The following SRGAP2 variants were observed in gnomAD, a reference collection of about 807,000 sequenced individuals.
SRGAP2 encodes SLIT-ROBO Rho GTPase activating protein 2.
A neutral mutation model predicts 57.2 loss-of-function variants in SRGAP2; 15 were observed. The ratio of observed to expected loss-of-function variants is 0.26; its 90% CI spans 0.18 to 0.40. The LOEUF (loss-of-function observed/expected upper bound fraction) is 0.40, where lower values mean the gene tolerates loss of function less well. SRGAP2 is among the 10% of genes least tolerant of loss of function. The probability of loss-of-function intolerance (pLI) is 1.00; values close to 1 mark genes in which losing one functional copy is unlikely to be tolerated. For synonymous variants in SRGAP2, 249 were observed against 248.0 expected (o/e 1.00, Z -0.04); for missense variants, 520 against 669.6 (o/e 0.78, Z 2.47).
At chr1:206,385,725 T>A (rs1310251222) in intron 5 of SRGAP2, among the ~76,000 whole-genome samples, 1 of 152,100 alleles carries the variant, frequency 6.6e-6, no homozygotes, top group Non-Finnish European at 1.5e-5. Flanking sequence ...TTGGAACTTA[T>A]TTCTCTGGTC....
At chr1:206,255,245 T>C (rs1182887134) in intron 2 of SRGAP2, among the ~76,000 whole-genome samples, 1 of 151,208 alleles carries the variant, frequency 6.6e-6, no homozygotes, top group African/African-American at 2.4e-5. Flanking sequence ...TATTGGCCTG[T>C]CTCGTCAGGT....
At chr1:206,436,944 C>G (rs1661813418) in intron 14 of SRGAP2, 21 bp from the exon 15 acceptor site, 1 of 780,590 alleles carries the variant, frequency 1.3e-6, no homozygotes, top group Non-Finnish European at 2.4e-6. Context: ...TCTTCTTGAT[C>G]ACTTTTCTGT....
At chr1:206,384,422 G>A (rs1382801758) in intron 5 of SRGAP2, among the ~76,000 whole-genome samples, 23 of 151,284 alleles carry the variant, frequency 1.5e-4, no homozygotes, top group African/African-American at 5.4e-4. Context: ...AACGTAGCCT[G>A]CATTGCACTA....
At chr1:206,311,279 G>T (rs1254650869) in intron 3 of SRGAP2, among the ~76,000 whole-genome samples, 1 of 152,110 alleles carries the variant, frequency 6.6e-6, no homozygotes, top group African/African-American at 2.4e-5. Flanking sequence ...ATCTGCCATG[G>T]TGTATGAAAG....
intron 10 of SRGAP2, among the ~76,000 whole-genome samples, chr1:206,411,358 G>C (rs1659208597): frequency 6.6e-6 from 1 of 152,210 alleles, no homozygotes; most frequent in Non-Finnish European, 1.5e-5. Context: ...CTTGGAACTT[G>C]TGGTCTGAGA....
rs1351807176 is a variant in SRGAP2 at position 206,463,083 on chromosome 1, C to T, written c.*1663C>T. The T allele has an allele frequency of 6.6e-6, 1 of 152,044 alleles. No individual in the cohort carries two copies. The highest frequency in any genetic ancestry group is 6.6e-5 in the Admixed American group (1 of 15,264). 9.4% of individuals were successfully genotyped at this position (152,044 alleles called of 1,614,324 possible). On this transcript the variant is annotated 3_prime_UTR_variant, in exon 23 of 23. Coordinates refer to ENST00000573034, the MANE Select transcript of SRGAP2 (RefSeq NM_015326.5). ...AAAATCTGAGTTTTCTTATCTTTGACCTAGAAGAGATTCTTTTTGGACCAA... is the reference window on the plus strand; with the variant it reads ...AAAATCTGAGTTTTCTTATCTTTGATCTAGAAGAGATTCTTTTTGGACCAA...
chr1:206,416,655 G>A (rs148344212), intron 11 of SRGAP2, among the ~76,000 whole-genome samples: 29 of 152,304 alleles, frequency 1.9e-4, no homozygotes, highest in South Asian at 4.1e-4. Flanking sequence ...GGTGGAGGTT[G>A]AAAGAGAAGC....
intron 2 of SRGAP2, chr1:206,207,547 C>T (rs1263270044): frequency 6.6e-6 from 1 of 151,610 alleles, no homozygotes; most frequent in Non-Finnish European, 1.5e-5. Context: ...AACAATAGGC[C>T]ACTGGCCTCC....
intron 13 of SRGAP2, among the ~76,000 whole-genome samples, chr1:206,427,072 G>GTT (rs148675681): frequency 3.1e-4 from 46 of 148,060 alleles, no homozygotes; most frequent in African/African-American, 1.1e-3. Context: ...TGCCCCAATG[G>GTT]TTTTTTTTTT....
rs1351883691 is a variant in SRGAP2 at position 206,442,249 on chromosome 1, C to G, written c.1874+2168C>G. Among the ~76,000 whole-genome samples the G allele has an allele frequency of 2.0e-5, 3 of 152,200 alleles. No homozygotes were observed. The East Asian group carries it at 5.8e-4, about 29-fold the overall frequency. ...TCTCTTCCATGCGGTTGTGTCTGCTCTATTCATTGGCCAGGCCCTGACTCA... is the reference window on the plus strand; with the variant it reads ...TCTCTTCCATGCGGTTGTGTCTGCTGTATTCATTGGCCAGGCCCTGACTCA... On this transcript the variant is annotated intron_variant, in intron 17 of 22. Coordinates refer to ENST00000573034, the MANE Select transcript of SRGAP2 (RefSeq NM_015326.5).
intron 3 of SRGAP2, among the ~76,000 whole-genome samples, chr1:206,318,834 A>G (rs1332967716): frequency 2.0e-5 from 3 of 151,928 alleles, no homozygotes; most frequent in Non-Finnish European, 4.4e-5. Flanking sequence ...ACCATTCATG[A>G]AGGATCTACC....
intron 2 of SRGAP2, among the ~76,000 whole-genome samples, chr1:206,275,700 C>T (rs1265410184): frequency 1.3e-5 from 2 of 150,166 alleles, no homozygotes; most frequent in South Asian, 2.1e-4. Flanking sequence ...CTGCAACCTC[C>T]GCCTCTCCCG....
At chr1:206,394,038 CTTTTTTT>C (rs577375533) in intron 7 of SRGAP2, among the ~76,000 whole-genome samples, 6 of 49,900 alleles carry the variant, frequency 1.2e-4, no homozygotes, top group African/African-American at 5.4e-4. Flanking sequence ...TACTTTCTTC[CTTTTTTT>C]TTTTTTTTTT....
At chr1:206,447,896 A>C (rs77235224) in intron 18 of SRGAP2, among the ~76,000 whole-genome samples, 1,709 of 146,778 alleles carry the variant, frequency 0.012, 33 homozygotes, top group African/African-American at 0.04. Context: ...GTTTCCTCCA[A>C]GATAGTCTCC....
At chr1:206,449,831 C>T (rs1246137031) in intron 18 of SRGAP2, among the ~76,000 whole-genome samples, 1 of 152,198 alleles carries the variant, frequency 6.6e-6, no homozygotes, top group African/African-American at 2.4e-5. Context: ...TAAACACCCA[C>T]TCTGTGCCAA....
At chr1:206,458,282 T>G in intron 21 of SRGAP2, 1 of 502,210 alleles carries the variant, frequency 2.0e-6, no homozygotes. Flanking sequence ...GGCCTTAGGT[T>G]TCTGTTCATG....
intron 10 of SRGAP2, among the ~76,000 whole-genome samples, chr1:206,415,201 A>G (rs561093718): frequency 6.6e-5 from 10 of 152,330 alleles, no homozygotes; most frequent in Admixed American, 6.5e-4. Flanking sequence ...AGAGAGAACA[A>G]ATCTGAAAGT....
At chr1:206,257,768 C>G (rs1297335687) in intron 2 of SRGAP2, among the ~76,000 whole-genome samples, 2 of 125,342 alleles carry the variant, frequency 1.6e-5, no homozygotes, top group African/African-American at 5.8e-5. Context: ...TATATATATA[C>G]ATGCAACAAA....
At chr1:206,449,082 C>G (rs1445520874) in intron 18 of SRGAP2, among the ~76,000 whole-genome samples, 1 of 152,118 alleles carries the variant, frequency 6.6e-6, no homozygotes, top group Non-Finnish European at 1.5e-5. Context: ...GGTGCTTTCA[C>G]ACAACTGCCT....
Sources: allele counts gnomAD v4.1 joint callset (sites outside exome capture counted in the v4.1 genomes callset), GRCh38; gene constraint gnomAD v4.1.1; transcripts MANE v1.5; gene names NCBI Gene and HGNC (gene_info 2026-07-23, HGNC 2026-07-21).